The following TIPRL variants were observed in gnomAD, a reference collection of about 807,000 sequenced individuals.
TIPRL encodes TIP41-like protein.
A neutral mutation model predicts 32.3 loss-of-function variants in TIPRL; 10 were observed. That is an observed-to-expected ratio of 0.31 (90% CI 0.19 to 0.52). TIPRL has a LOEUF of 0.52. Among genes scored for constraint, TIPRL ranks in the 20% least tolerant of loss-of-function variants. The probability of loss-of-function intolerance (pLI) is 0.96; values close to 1 mark genes in which losing one functional copy is unlikely to be tolerated. For synonymous variants in TIPRL, 100 were observed against 114.0 expected (o/e 0.88, Z 0.78); for missense variants, 250 against 328.1 (o/e 0.76, Z 1.84).
chr1:168,200,477 T>C lies in TIPRL; in HGVS notation c.*431T>C, dbSNP rs1326411300. 1 of 153,946 alleles carries C rather than the reference T, an allele frequency of 6.5e-6. No individual in the cohort carries two copies. The highest frequency in any genetic ancestry group is 1.4e-5 in the Non-Finnish European group (1 of 69,262). The allele number at this position is 153,946 out of a possible 1,614,324, so 9.5% of individuals were successfully genotyped here. A position where few individuals can be genotyped will look rare whatever the true frequency, so the allele number is the denominator to read the frequency against. On this transcript the variant is annotated 3_prime_UTR_variant, in exon 7 of 7. Transcript: ENST00000367833. ...ATGTACTGGCTCTTCACTTTGGGCTTTCTGATGTTTATTCACACCTTTGGA... is the reference window on the plus strand; with the variant it reads ...ATGTACTGGCTCTTCACTTTGGGCTCTCTGATGTTTATTCACACCTTTGGA...
intron 3 of TIPRL, among the ~76,000 whole-genome samples, chr1:168,188,260 G>A (rs1700052349): frequency 6.6e-6 from 1 of 152,098 alleles, no homozygotes; most frequent in Admixed American, 6.6e-5. Context: ...TAGGATGATG[G>A]TGTTTTCCTT....
Position 168,179,059 on chromosome 1 carries a change from T to TG in TIPRL, c.-18dup. On this transcript the variant is annotated 5_prime_UTR_variant, in exon 1 of 7. Transcript: ENST00000367833. ...GCTTCAGCTTATTCCTTGTGGCCTC[T>TG]GCGGGTCCTGCCTCAGCCATGATGA... is the stretch of plus-strand genomic sequence containing the variant. 3 of 1,611,244 alleles carry TG rather than the reference T, an allele frequency of 1.9e-6. No homozygotes were observed. In the South Asian group the frequency reaches 3.3e-5, roughly 18 times the overall value.
At chr1:168,196,800 T>C (rs1700159484) in intron 5 of TIPRL, among the ~76,000 whole-genome samples, 158 bp downstream of exon 5, 1 of 152,244 alleles carries the variant, frequency 6.6e-6, no homozygotes, top group Non-Finnish European at 1.5e-5. Flanking sequence ...GACTGCAGGC[T>C]ATCATCAAAA....
chr1:168,199,111 A>G (rs568644474), intron 6 of TIPRL, 130 bp downstream of exon 6: 38 of 637,590 alleles, frequency 6.0e-5, no homozygotes, highest in African/African-American at 5.9e-4. Flanking sequence ...ATGGGGCTCT[A>G]TAGGATAAAT....
rs1700194833 is a variant in TIPRL at position 168,200,153 on chromosome 1, T to C, written c.*107T>C. 3 of 1,239,994 alleles carry C rather than the reference T, an allele frequency of 2.4e-6. No individual in the cohort carries two copies. Among genetic ancestry groups the C allele is most frequent in the Non-Finnish European group, 3.3e-6 (3 of 919,986 alleles). The allele number at this position is 1,239,994 out of a possible 1,614,324, so 76.8% of individuals were successfully genotyped here. A position where few individuals can be genotyped will look rare whatever the true frequency, so the allele number is the denominator to read the frequency against. On this transcript the variant is annotated 3_prime_UTR_variant, in exon 7 of 7. Coordinates refer to ENST00000367833, the MANE Select transcript of TIPRL (RefSeq NM_152902.5). ...TAATTGCCTTGTTTATGTACAGATTTTCTGTAGCCTTAAAGGAAAAAAAAA... is the reference window on the plus strand; with the variant it reads ...TAATTGCCTTGTTTATGTACAGATTCTCTGTAGCCTTAAAGGAAAAAAAAA...
Position 168,183,973 on chromosome 1 carries a change from A to C in TIPRL, c.176A>C (p.His59Pro). The C allele has an allele frequency of 6.2e-7, 1 of 1,614,162 alleles. No homozygotes were observed. The highest frequency in any genetic ancestry group is 8.5e-7 in the Non-Finnish European group (1 of 1,180,002). ...MFGDNVLRIQ[H>P]GSGFGIEFNA... is the part of the protein sequence containing the mutation. Reference sequence around the variant, plus strand: ...GGAGACAACGTTTTAAGAATCCAGCATGGGTCTGGCTTTGGAATTGAGTTC... The same window carrying C: ...GGAGACAACGTTTTAAGAATCCAGCCTGGGTCTGGCTTTGGAATTGAGTTC... Residue 59 changes from histidine to proline, a missense_variant, in exon 2 of 7, where the codon CAT (histidine) becomes CCT (proline). By Grantham distance (77) the His-to-Pro change is moderately conservative. Coordinates refer to ENST00000367833, the MANE Select transcript of TIPRL (RefSeq NM_152902.5).
At chr1:168,190,016 G>T (rs547270064) in intron 3 of TIPRL, among the ~76,000 whole-genome samples, 1 of 152,324 alleles carries the variant, frequency 6.6e-6, no homozygotes, top group South Asian at 2.1e-4. Flanking sequence ...TGTTAAAAAT[G>T]TGTTCCTCTG....
chr1:168,191,886 A>G (rs1700102081), intron 4 of TIPRL, among the ~76,000 whole-genome samples: 1 of 151,510 alleles, frequency 6.6e-6, no homozygotes, highest in Non-Finnish European at 1.5e-5. Context: ...AAAAAGAATA[A>G]CACTGAGCTT....
chr1:168,178,997 G>A lies in TIPRL; in HGVS notation c.-81G>A, dbSNP rs1477298321. 1.5e-6 allele frequency: 2 copies of A among 1,294,006 alleles called. No individual in the cohort carries two copies. The highest frequency in any genetic ancestry group is 1.5e-5 in the African/African-American group (1 of 68,174). The allele number at this position is 1,294,006 out of a possible 1,614,324, so 80.2% of individuals were successfully genotyped here. A position where few individuals can be genotyped will look rare whatever the true frequency, so the allele number is the denominator to read the frequency against. On this transcript the variant is annotated 5_prime_UTR_variant, in exon 1 of 7. Coordinates refer to ENST00000367833, the MANE Select transcript of TIPRL (RefSeq NM_152902.5). ...CTCGGAAGCCTAGGAGGCTGGGCCG[G>A]AGGGAGGCGGAGGAACCGGTGTTCG...
chr1:168,188,789 G>C (rs138235660), intron 3 of TIPRL, among the ~76,000 whole-genome samples: 2 of 152,030 alleles, frequency 1.3e-5, no homozygotes, highest in Non-Finnish European at 2.9e-5. Context: ...GACCAGCCTG[G>C]CCAACATGGC....
At chr1:168,186,924 T>G (rs1171903543) in intron 3 of TIPRL, among the ~76,000 whole-genome samples, 1 of 152,200 alleles carries the variant, frequency 6.6e-6, no homozygotes, top group Non-Finnish European at 1.5e-5. Context: ...CTGCAGAAAT[T>G]TTTAGAGTCT....
chr1:168,192,270 C>G, intron 4 of TIPRL: 1 of 1,302,690 alleles, frequency 7.7e-7, no homozygotes, highest in Non-Finnish European at 1.0e-6. Context: ...AGCGTGAACC[C>G]GGGAGGCGGA....
intron 4 of TIPRL, chr1:168,192,523 T>C (rs1484066718): frequency 1.9e-6 from 1 of 521,522 alleles, no homozygotes; most frequent in Non-Finnish European, 2.5e-6. Flanking sequence ...AAGACCCAGC[T>C]AAAATACCAC....
intron 3 of TIPRL, among the ~76,000 whole-genome samples, chr1:168,189,584 G>A (rs1700067051): frequency 6.6e-6 from 1 of 152,140 alleles, no homozygotes; most frequent in Non-Finnish European, 1.5e-5. Flanking sequence ...GACCTCAAGT[G>A]ATCCGGCCGC....
Position 168,201,843 on chromosome 1 carries a change from G to A in TIPRL, c.*1797G>A, listed in dbSNP as rs1355269652. 1.3e-5 allele frequency: 2 copies of A among 149,970 alleles called. No homozygotes were observed. Among genetic ancestry groups the A allele is most frequent in the Admixed American group, 6.7e-5 (1 of 15,036 alleles). 9.3% of individuals were successfully genotyped at this position (149,970 alleles called of 1,614,324 possible). Reference sequence around the variant, plus strand: ...TTTTTTTTAACTTGTTGATTCAGATGTCTTGGTCCCTGAATAGTCCTAGAT... The same window carrying A: ...TTTTTTTTAACTTGTTGATTCAGATATCTTGGTCCCTGAATAGTCCTAGAT... On this transcript the variant is annotated 3_prime_UTR_variant, in exon 7 of 7. Coordinates refer to ENST00000367833, the MANE Select transcript of TIPRL (RefSeq NM_152902.5).
At chr1:168,199,848 T>TA in intron 6 of TIPRL, 55 bp from the exon 7 acceptor site, 6 of 1,544,276 alleles carry the variant, frequency 3.9e-6, no homozygotes, top group Non-Finnish European at 4.4e-6. Context: ...AAAACATTTG[T>TA]AAAAAATTTC....
At chr1:168,182,719 A>G (rs901644043) in intron 1 of TIPRL, among the ~76,000 whole-genome samples, 6 of 152,368 alleles carry the variant, frequency 3.9e-5, no homozygotes, top group Admixed American at 2.6e-4. Context: ...TCTTTTACAT[A>G]TATGAGTGGA....
rs551261055 is a variant in TIPRL, at chr1:168,192,909, A to C, written c.516+1409A>C. 8.0e-4 allele frequency among the ~76,000 whole-genome samples: 111 copies of C among 139,564 alleles called. 1 individual carries two copies. Among genetic ancestry groups the C allele is most frequent in the African/African-American group, 3.0e-3 (108 of 36,244 alleles). 91.6% of individuals were successfully genotyped at this position (139,564 alleles called of 152,430 possible). ...CAAAACAAACAAACAAACAAACAAA[A>C]CAAACAAAAAACCTCTCAATTATAG... On this transcript the variant is annotated intron_variant, in intron 4 of 6. Coordinates refer to ENST00000367833, the MANE Select transcript of TIPRL (RefSeq NM_152902.5).
intron 4 of TIPRL, among the ~76,000 whole-genome samples, chr1:168,193,461 T>G (rs892372534): frequency 6.6e-6 from 1 of 152,222 alleles, no homozygotes; most frequent in African/African-American, 2.4e-5. Context: ...CACTTTTTTT[T>G]GTTTAGATTT....
Sources: allele counts gnomAD v4.1 joint callset (sites outside exome capture counted in the v4.1 genomes callset), GRCh38; gene constraint gnomAD v4.1.1; transcripts MANE v1.5; gene names NCBI Gene and HGNC (gene_info 2026-07-23, HGNC 2026-07-21).